Variants in LIPC observed in about 807,000 individuals in gnomAD.
LIPC encodes the protein lipase C, hepatic type, also known as hepatic triacylglycerol lipase.
LIPC carries 44 observed loss-of-function variants against 50.7 expected under a neutral mutation model. That is an observed-to-expected ratio of 0.87 (90% CI 0.68 to 1.11). The LOEUF (loss-of-function observed/expected upper bound fraction) is 1.11. Among genes scored for constraint, LIPC ranks in the 50% most tolerant of loss-of-function variants. LIPC has a pLI of 0.00. For synonymous variants in LIPC, 271 were observed against 256.4 expected (o/e 1.06, Z -0.54); for missense variants, 697 against 648.2 (o/e 1.08, Z -0.82).
chr15:58,568,885 C>A lies in LIPC; in HGVS notation c.*58C>A. 9.7e-7 allele frequency: 1 copy of A among 1,028,972 alleles called. No individual in the cohort carries two copies. The highest frequency in any genetic ancestry group is 1.5e-5 in the South Asian group (1 of 65,434). 63.7% of individuals were successfully genotyped at this position (1,028,972 alleles called of 1,614,324 possible). A position where few individuals can be genotyped will look rare whatever the true frequency, so the allele number is the denominator to read the frequency against. On this transcript the variant is annotated 3_prime_UTR_variant, in exon 9 of 9. Coordinates refer to ENST00000299022, the MANE Select transcript of LIPC (RefSeq NM_000236.3). The stretch of plus-strand genomic sequence containing the variant: ...GAATCTTACTCCTTATCTGGAATGG[C>A]TGCCTTATTTAGAAGCCAAAATTAC...
chr15:58,461,825 C>G (rs1894359553), intron 1 of LIPC, among the ~76,000 whole-genome samples: 1 of 152,086 alleles, frequency 6.6e-6, no homozygotes, highest in Admixed American at 6.5e-5. Context: ...GCCTTGGATG[C>G]CCTTGTCTCC....
At chr15:58,500,828 G>A (rs1891960503) in intron 1 of LIPC, among the ~76,000 whole-genome samples, 1 of 143,770 alleles carries the variant, frequency 7.0e-6, no homozygotes, top group South Asian at 2.2e-4. Flanking sequence ...CATCTGAAAT[G>A]TGGTGAACTC....
At chr15:58,520,697 C>T (rs1168734740) in intron 1 of LIPC, among the ~76,000 whole-genome samples, 5 of 152,152 alleles carry the variant, frequency 3.3e-5, no homozygotes, top group African/African-American at 9.7e-5. Context: ...TACCATCTGC[C>T]CCTTCTAGAG....
intron 1 of LIPC, among the ~76,000 whole-genome samples, chr15:58,451,178 G>A (rs1220004901): frequency 2.0e-5 from 3 of 152,174 alleles, no homozygotes; most frequent in African/African-American, 7.2e-5. Flanking sequence ...AGGATTGGGA[G>A]GCTGTTGCTG....
chr15:58,564,735 T>A (rs559852238), intron 8 of LIPC, among the ~76,000 whole-genome samples: 4 of 151,762 alleles, frequency 2.6e-5, no homozygotes, highest in Non-Finnish European at 4.4e-5. Flanking sequence ...TCTCAAAAAA[T>A]AATAATAATA....
intron 1 of LIPC, among the ~76,000 whole-genome samples, chr15:58,457,327 C>T (rs981502385): frequency 6.6e-6 from 1 of 152,190 alleles, no homozygotes; most frequent in Non-Finnish European, 1.5e-5. Flanking sequence ...TCATGCTGGT[C>T]TCAAACTCCC....
At chr15:58,438,101 G>A (rs895220900) in intron 1 of LIPC, among the ~76,000 whole-genome samples, 2 of 152,134 alleles carry the variant, frequency 1.3e-5, no homozygotes, top group African/African-American at 2.4e-5. Context: ...ATCGCCAAAT[G>A]AGTGCGCAGC....
At chr15:58,549,180 T>C (rs1422768866) in intron 6 of LIPC, among the ~76,000 whole-genome samples, 1 of 152,184 alleles carries the variant, frequency 6.6e-6, no homozygotes, top group Non-Finnish European at 1.5e-5. Flanking sequence ...GACCACGTCT[T>C]AGGCTGAGGC....
intron 1 of LIPC, among the ~76,000 whole-genome samples, chr15:58,441,397 C>T (rs1182857887): frequency 2.0e-5 from 3 of 152,236 alleles, no homozygotes; most frequent in African/African-American, 4.8e-5. Context: ...GTCATACTCA[C>T]TTATAGACTT....
intron 6 of LIPC, among the ~76,000 whole-genome samples, chr15:58,555,750 G>A (rs1478103475): frequency 6.6e-6 from 1 of 152,224 alleles, no homozygotes; most frequent in African/African-American, 2.4e-5. Context: ...CTAACAGCAG[G>A]ACAGATGGAG....
intron 1 of LIPC, among the ~76,000 whole-genome samples, chr15:58,524,516 C>A (rs191901438): frequency 2.2e-3 from 328 of 152,360 alleles, no homozygotes; most frequent in African/African-American, 7.6e-3. Flanking sequence ...GTTGCCAAAT[C>A]CCTCTCCATT....
At chr15:58,470,597 CTT>C (rs5812936) in intron 1 of LIPC, among the ~76,000 whole-genome samples, 191 of 136,268 alleles carry the variant, frequency 1.4e-3, no homozygotes, top group Non-Finnish European at 1.5e-3. Context: ...CATTTAACTC[CTT>C]TTTTTTTTTT....
intron 1 of LIPC, among the ~76,000 whole-genome samples, chr15:58,534,576 G>A (rs1443176180): frequency 1.3e-5 from 2 of 152,182 alleles, no homozygotes; most frequent in Non-Finnish European, 1.5e-5. Flanking sequence ...GGCTCTCAGA[G>A]TTAACCACAT....
intron 1 of LIPC, among the ~76,000 whole-genome samples, chr15:58,528,732 A>T (rs74019124): frequency 0.031 from 4,667 of 152,308 alleles, 240 homozygotes; most frequent in African/African-American, 0.11. Context: ...GCATGGGCCC[A>T]ACTTGAGTTT....
At chr15:58,475,652 T>C (rs542535490) in intron 1 of LIPC, among the ~76,000 whole-genome samples, 9 of 152,320 alleles carry the variant, frequency 5.9e-5, no homozygotes, top group African/African-American at 2.2e-4. Flanking sequence ...CACATCTGTC[T>C]CTACCAGCAA....
intron 1 of LIPC, among the ~76,000 whole-genome samples, chr15:58,475,540 C>G (rs1308304094): frequency 6.6e-6 from 1 of 152,200 alleles, no homozygotes; most frequent in Admixed American, 6.5e-5. Context: ...AACCACCCCC[C>G]AGAAACAAAG....
chr15:58,472,291 AAAG>A (rs1327093045), intron 1 of LIPC, among the ~76,000 whole-genome samples: 10 of 147,396 alleles, frequency 6.8e-5, no homozygotes, highest in Admixed American at 6.8e-4. Context: ...AAAAAAAAAA[AAAG>A]AAATCTTAGC....
intron 1 of LIPC, among the ~76,000 whole-genome samples, chr15:58,488,158 C>G (rs1250823782): frequency 6.6e-6 from 1 of 152,234 alleles, no homozygotes. Context: ...GTAATCCCAG[C>G]TACTCAGGAG....
chr15:58,446,673 T>C (rs1196591309), intron 1 of LIPC, among the ~76,000 whole-genome samples: 1 of 152,058 alleles, frequency 6.6e-6, no homozygotes, highest in African/African-American at 2.4e-5. Context: ...TGCACCCAGC[T>C]ATCTGCTTGC....
Sources: allele counts gnomAD v4.1 joint callset (sites outside exome capture counted in the v4.1 genomes callset), GRCh38; gene constraint gnomAD v4.1.1; transcripts MANE v1.5; gene names NCBI Gene and HGNC (gene_info 2026-07-23, HGNC 2026-07-21).